The following CSMD3 variants were observed in gnomAD, a reference collection of about 807,000 sequenced individuals.
CSMD3 encodes the protein CUB and Sushi multiple domains 3, also known as CUB and sushi domain-containing protein 3.
Under a neutral mutation model 435.2 loss-of-function variants are expected in CSMD3, and 177 were observed. The observed-to-expected ratio is 0.41, with a 90% confidence interval of 0.36 to 0.46. The LOEUF (loss-of-function observed/expected upper bound fraction) is 0.46. Among genes scored for constraint, CSMD3 ranks in the 20% least tolerant of loss-of-function variants. The pLI is 0.34. For missense variants in CSMD3, 4,265 were observed against 4,504.6 expected (o/e 0.95, Z 1.52); for synonymous variants, 1,656 against 1,520.5 (o/e 1.09, Z -2.07).
chr8:113,229,924 A>G (rs1407081861), intron 3 of CSMD3, among the ~76,000 whole-genome samples: 1 of 151,454 alleles, frequency 6.6e-6, no homozygotes, highest in Non-Finnish European at 1.5e-5. Context: ...TATTTTGGCC[A>G]TTTGTCTAGA....
Position 112,936,596 on chromosome 8 carries a change from C to T in CSMD3, c.1508+11194G>A, listed in dbSNP as rs536822731. ...GCCTTAGTATTCCTTTTTCCTATAA[C>T]TTTTTTTCAAAAACACCCTTGTAAT... On this transcript the variant is annotated intron_variant, in intron 9 of 70. Coordinates refer to ENST00000297405, the MANE Select transcript of CSMD3 (RefSeq NM_198123.2). 9.2e-5 allele frequency among the ~76,000 whole-genome samples: 14 copies of T among 152,028 alleles called. No individual in the cohort carries two copies. The East Asian group carries it at 1.9e-3, about 21-fold the overall frequency.
chr8:112,676,093 G>A lies in CSMD3; in HGVS notation c.2677+6349C>T, dbSNP rs141299317. 6.1e-3 allele frequency among the ~76,000 whole-genome samples: 936 copies of A among 152,228 alleles called. 4 individuals are homozygous for A. The highest frequency in any genetic ancestry group is 8.9e-3 in the Non-Finnish European group (603 of 67,982). ...AAAGTGAGTGACAACAGCAGGTTTA[G>A]AGTGACGTGGGGAGACATATCAGTT... On this transcript the variant is annotated intron_variant, in intron 16 of 70. Coordinates refer to ENST00000297405, the MANE Select transcript of CSMD3 (RefSeq NM_198123.2).
chr8:112,607,468 A>G (rs1435475027), intron 22 of CSMD3, among the ~76,000 whole-genome samples: 1 of 152,114 alleles, frequency 6.6e-6, no homozygotes, highest in East Asian at 1.9e-4. Context: ...GAGAGAGCAC[A>G]TCCAGATTCA....
chr8:112,316,100 C>T (rs1249607588), intron 47 of CSMD3, among the ~76,000 whole-genome samples: 1 of 151,772 alleles, frequency 6.6e-6, no homozygotes, highest in Non-Finnish European at 1.5e-5. Flanking sequence ...ATGTTAATAA[C>T]TTGAAAAGAC....
rs1000670443 is a variant in CSMD3 at position 113,386,994 on chromosome 8, A to C, written c.178+49683T>G. On this transcript the variant is annotated intron_variant, in intron 1 of 70. Coordinates refer to ENST00000297405, the MANE Select transcript of CSMD3 (RefSeq NM_198123.2). The stretch of plus-strand genomic sequence containing the variant: ...AAGCATTTCAGATTTTTAAAACTAA[A>C]CCTGGGAAAATGATCTTTTTGAGCA... Among the ~76,000 whole-genome samples, 5 of 151,786 alleles carry C rather than the reference A, an allele frequency of 3.3e-5. No homozygotes were observed. In the East Asian group the frequency reaches 9.7e-4, roughly 29 times the overall value.
chr8:112,999,446 G>T (rs535108417), intron 6 of CSMD3, among the ~76,000 whole-genome samples: 1 of 151,888 alleles, frequency 6.6e-6, no homozygotes, highest in South Asian at 2.1e-4. Flanking sequence ...AAGTGGGGAG[G>T]CAAGGAATGA....
chr8:112,349,667 A>G (rs1325900671), intron 40 of CSMD3, among the ~76,000 whole-genome samples: 1 of 152,144 alleles, frequency 6.6e-6, no homozygotes, highest in Non-Finnish European at 1.5e-5. Flanking sequence ...ACATGTATAT[A>G]TATGAGGTAA....
intron 17 of CSMD3, 32 bp from the exon 18 acceptor site, chr8:112,656,373 T>G: frequency 6.5e-7 from 1 of 1,527,316 alleles, no homozygotes; most frequent in Non-Finnish European, 9.1e-7. Context: ...GAAAATATAT[T>G]TAGAATTAAC....
At chr8:112,408,215 A>C in intron 34 of CSMD3, 103 bp downstream of exon 34, 1 of 864,846 alleles carries the variant, frequency 1.2e-6, no homozygotes, top group South Asian at 1.3e-5. Context: ...AAACTGCTTA[A>C]AAACACTTTT....
intron 34 of CSMD3, among the ~76,000 whole-genome samples, chr8:112,407,295 A>C (rs1034966284): frequency 1.3e-5 from 2 of 152,054 alleles, no homozygotes; most frequent in African/African-American, 4.8e-5. Context: ...CAACAATAAA[A>C]GTTTTTACTT....
In CSMD3 at chr8:113,266,194, A is replaced by C. The variant is rs577296246; in HGVS notation, c.514+12398T>G. Reference sequence around the variant, plus strand: ...AACCCCTAAACTTAAAAAAAAAAAAAAAAACTAAAGTAATTTAATGCTCTC... The same window carrying C: ...AACCCCTAAACTTAAAAAAAAAAAACAAAACTAAAGTAATTTAATGCTCTC... On this transcript the variant is annotated intron_variant, in intron 3 of 70. Transcript: ENST00000297405. Among the ~76,000 whole-genome samples the C allele has an allele frequency of 3.8e-4, 58 of 151,012 alleles. 1 individual carries two copies. In the South Asian group the frequency reaches 0.011, roughly 30 times the overall value.
At chr8:112,848,055 G>A (rs1308129317) in intron 11 of CSMD3, among the ~76,000 whole-genome samples, 1 of 152,104 alleles carries the variant, frequency 6.6e-6, no homozygotes, top group African/African-American at 2.4e-5. Flanking sequence ...TACTAGAAAA[G>A]GCTGTCCTTT....
At chr8:112,693,422 T>C (rs998988660) in intron 13 of CSMD3, among the ~76,000 whole-genome samples, 2 of 152,010 alleles carry the variant, frequency 1.3e-5, no homozygotes, top group Non-Finnish European at 2.9e-5. Flanking sequence ...TAATAGGGGG[T>C]AAGGTATAAA....
At chr8:113,053,217 C>T (rs566621012) in intron 5 of CSMD3, among the ~76,000 whole-genome samples, 1 of 152,242 alleles carries the variant, frequency 6.6e-6, no homozygotes, top group South Asian at 2.1e-4. Flanking sequence ...TTTGTCCTTC[C>T]ATAATTATGC....
chr8:112,722,516 C>T (rs546388459), intron 13 of CSMD3, among the ~76,000 whole-genome samples: 169 of 151,886 alleles, frequency 1.1e-3, no homozygotes, highest in African/African-American at 3.9e-3. Context: ...CAAAAATAAA[C>T]GAATAAGCAA....
At chr8:112,234,008 GATTT>G (rs1186567947) in intron 68 of CSMD3, among the ~76,000 whole-genome samples, 3 of 151,974 alleles carry the variant, frequency 2.0e-5, no homozygotes, top group African/African-American at 7.2e-5. Context: ...ATTTTATCCA[GATTT>G]ATTTATCATA....
intron 30 of CSMD3, among the ~76,000 whole-genome samples, chr8:112,495,644 G>T (rs1207688347): frequency 6.6e-6 from 1 of 151,994 alleles, no homozygotes; most frequent in Non-Finnish European, 1.5e-5. Flanking sequence ...AACACCTGGA[G>T]AATACTTAAA....
At chr8:112,984,643 C>A (rs989235833) in intron 6 of CSMD3, among the ~76,000 whole-genome samples, 2 of 151,968 alleles carry the variant, frequency 1.3e-5, no homozygotes, top group South Asian at 4.2e-4. Context: ...GAAAGAAATT[C>A]CATCAAATTT....
chr8:112,915,049 T>C (rs1479032914), intron 10 of CSMD3, among the ~76,000 whole-genome samples: 2 of 151,928 alleles, frequency 1.3e-5, no homozygotes, highest in African/African-American at 4.8e-5. Flanking sequence ...AATAAGTTTT[T>C]CTACATCACA....
Sources: gnomAD v4.1 joint callset for allele counts (sites outside exome capture counted in the v4.1 genomes callset) on GRCh38, gnomAD v4.1.1 for gene constraint, MANE v1.5 for transcripts, NCBI Gene and HGNC (gene_info 2026-07-23, HGNC 2026-07-21) for gene names.